The following TAF3 variants were observed in gnomAD, a reference collection of about 807,000 sequenced individuals.
The protein encoded by TAF3 is transcription initiation factor TFIID subunit 3.
A neutral mutation model predicts 80.6 loss-of-function variants in TAF3; 7 were observed. The ratio of observed to expected loss-of-function variants is 0.09; its 90% CI spans 0.05 to 0.16. TAF3 has a LOEUF of 0.16. Ranked by LOEUF, TAF3 falls within the 10% of genes least tolerant of loss-of-function variation. The pLI is 1.00. For synonymous variants in TAF3, 444 were observed against 446.1 expected (o/e 1.00, Z 0.06); for missense variants, 921 against 1,140.2 (o/e 0.81, Z 2.77).
intron 3 of TAF3, among the ~76,000 whole-genome samples, chr10:7,974,241 C>G (rs1004995078): frequency 6.6e-6 from 1 of 152,086 alleles, no homozygotes; most frequent in Non-Finnish European, 1.5e-5. Context: ...ACCCATCCCC[C>G]TCATGACCCT....
At chr10:7,826,345 G>A (rs985619003) in intron 2 of TAF3, among the ~76,000 whole-genome samples, 1 of 152,086 alleles carries the variant, frequency 6.6e-6, no homozygotes, top group Non-Finnish European at 1.5e-5. Flanking sequence ...TTCTCTTAAA[G>A]TGCTATGGTT....
Position 8,009,913 on chromosome 10 carries a change from C to G in TAF3, c.2568+583C>G, listed in dbSNP as rs191626821. Among the ~76,000 whole-genome samples, 1,637 of 151,836 alleles carry G rather than the reference C, an allele frequency of 0.011. 20 individuals carry two copies. The highest frequency in any genetic ancestry group is 0.031 in the Middle Eastern group (9 of 292). On this transcript the variant is annotated intron_variant, in intron 5 of 6. Transcript: ENST00000344293. This position sits in a 1 kb window ranked among gnomAD's most constrained non-coding sequence, Gnocchi z 4.1. ...GGGATTACAGGCATGAGCCACCGTGCCCGGCTTTTTTTTTTTGAAAGGGGA... is the reference window on the plus strand; with the variant it reads ...GGGATTACAGGCATGAGCCACCGTGGCCGGCTTTTTTTTTTTGAAAGGGGA...
rs73616012 is a variant in TAF3 at position 7,830,301 on chromosome 10, A to G, written c.409+5741A>G. ...TACCAGCTATCTCAGAATAGCTTCT[A>G]TGTGCCCAACCCCACCCCACCCCTT... On this transcript the variant is annotated intron_variant, in intron 2 of 6. Transcript: ENST00000344293. Among the ~76,000 whole-genome samples the G allele has an allele frequency of 6.9e-3, 1,045 of 151,862 alleles. 17 individuals carry two copies. Among genetic ancestry groups the G allele is most frequent in the African/African-American group, 0.024 (1,010 of 41,336 alleles).
intron 2 of TAF3, among the ~76,000 whole-genome samples, chr10:7,856,803 A>G (rs1263389970): frequency 2.0e-5 from 3 of 150,674 alleles, no homozygotes; most frequent in African/African-American, 7.3e-5. Flanking sequence ...TCCGAAGCCA[A>G]CTTAAAGACG....
At chr10:7,835,235 CA>C (rs1836840117) in intron 2 of TAF3, among the ~76,000 whole-genome samples, 1 of 152,104 alleles carries the variant, frequency 6.6e-6, no homozygotes, top group Non-Finnish European at 1.5e-5. Flanking sequence ...AAGTCACACA[CA>C]AAAAAGTCAT....
intron 2 of TAF3, among the ~76,000 whole-genome samples, chr10:7,922,954 C>A (rs1474190856): frequency 1.3e-5 from 2 of 152,038 alleles, no homozygotes; most frequent in Admixed American, 1.3e-4. Flanking sequence ...TACACTTAAA[C>A]CGCTTAATAA....
chr10:7,952,045 C>T (rs1838087648), intron 2 of TAF3, among the ~76,000 whole-genome samples: 1 of 152,112 alleles, frequency 6.6e-6, no homozygotes, highest in African/African-American at 2.4e-5. Flanking sequence ...AAACTGTATC[C>T]TATGCATAGT....
intron 1 of TAF3, among the ~76,000 whole-genome samples, chr10:7,820,343 C>T (rs1836678743): frequency 6.6e-6 from 1 of 152,158 alleles, no homozygotes; most frequent in Non-Finnish European, 1.5e-5. Context: ...TATTCTGTAA[C>T]CTGTAGGGCC....
At chr10:7,859,045 G>A (rs1201784213) in intron 2 of TAF3, among the ~76,000 whole-genome samples, 2 of 151,996 alleles carry the variant, frequency 1.3e-5, no homozygotes, top group African/African-American at 4.8e-5. Flanking sequence ...GGCAGATCAC[G>A]AGGTCAGGAG....
At chr10:7,925,728 G>A (rs1837807806) in intron 2 of TAF3, among the ~76,000 whole-genome samples, 2 of 145,788 alleles carry the variant, frequency 1.4e-5, no homozygotes, top group South Asian at 4.3e-4. Context: ...GAACCTGGGA[G>A]GCAGAGGTTG....
chr10:7,849,113 G>C (rs1361329273), intron 2 of TAF3, among the ~76,000 whole-genome samples: 1 of 152,078 alleles, frequency 6.6e-6, no homozygotes, highest in Non-Finnish European at 1.5e-5. Flanking sequence ...TAGGTACCAA[G>C]TGCTTCACAC....
At chr10:7,864,885 A>C (rs1837194697) in intron 2 of TAF3, among the ~76,000 whole-genome samples, 2 of 152,032 alleles carry the variant, frequency 1.3e-5, no homozygotes, top group African/African-American at 4.8e-5. Flanking sequence ...GCCTAGCCTA[A>C]GATCACAAAG....
chr10:7,914,251 G>A (rs1348212225), intron 2 of TAF3, among the ~76,000 whole-genome samples: 1 of 152,196 alleles, frequency 6.6e-6, no homozygotes, highest in East Asian at 1.9e-4. Flanking sequence ...GAAATAATCT[G>A]ATGTCCGAGA....
intron 2 of TAF3, among the ~76,000 whole-genome samples, chr10:7,949,836 G>T (rs1564369582): frequency 6.6e-6 from 1 of 152,170 alleles, no homozygotes; most frequent in Non-Finnish European, 1.5e-5. Context: ...GGTTGCAGTG[G>T]CCAGTCATTC....
intron 2 of TAF3, among the ~76,000 whole-genome samples, chr10:7,873,629 C>T (rs11255420): frequency 0.27 from 38,372 of 143,288 alleles, 6,575 homozygotes; most frequent in South Asian, 0.38. Flanking sequence ...CCCCCCCCCC[C>T]GTCAAAAGGG....
intron 2 of TAF3, among the ~76,000 whole-genome samples, chr10:7,908,757 A>G (rs1181343256): frequency 1.3e-5 from 2 of 152,220 alleles, no homozygotes; most frequent in Non-Finnish European, 2.9e-5. Context: ...GGGAAACCTG[A>G]TATGTAAGAC....
At chr10:7,950,166 A>G (rs1838068541) in intron 2 of TAF3, among the ~76,000 whole-genome samples, 1 of 152,218 alleles carries the variant, frequency 6.6e-6, no homozygotes. Flanking sequence ...ATGAACAGTC[A>G]AACAGTTATA....
chr10:7,911,710 G>A (rs1837658402), intron 2 of TAF3, among the ~76,000 whole-genome samples: 1 of 152,146 alleles, frequency 6.6e-6, no homozygotes, highest in Non-Finnish European at 1.5e-5. Flanking sequence ...TGATTTTGTT[G>A]CCAACATTTT....
At chr10:7,993,825 A>C (rs1023178985) in intron 4 of TAF3, among the ~76,000 whole-genome samples, 1 of 150,974 alleles carries the variant, frequency 6.6e-6, no homozygotes, top group South Asian at 2.1e-4. Flanking sequence ...CTAAAGGTGA[A>C]CCTCAGCGAC....
Sources: allele counts gnomAD v4.1 joint callset (sites outside exome capture counted in the v4.1 genomes callset), GRCh38; gene constraint gnomAD v4.1.1; non-coding constraint Gnocchi (gnomAD v3.1); transcripts MANE v1.5; gene names NCBI Gene and HGNC (gene_info 2026-07-23, HGNC 2026-07-21).